SPG7: variants seen among roughly 807,000 people sequenced by gnomAD.
The protein encoded by SPG7 is SPG7 matrix AAA peptidase subunit, paraplegin.
In SPG7, 103 loss-of-function variants were observed where a neutral mutation model predicts 81.9. That is an observed-to-expected ratio of 1.26 (90% CI 1.07 to 1.48). The LOEUF is 1.48. Among genes scored for constraint, SPG7 ranks in the 40% most tolerant of loss-of-function variants. The pLI is 0.00. For missense variants in SPG7, 1,241 were observed against 1,087.3 expected (o/e 1.14, Z -1.99); for synonymous variants, 534 against 444.2 (o/e 1.20, Z -2.54).
At chr16:89,545,770 G>A (rs1207806537) in intron 10 of SPG7, 2 of 324,998 alleles carry the variant, frequency 6.2e-6, no homozygotes, top group African/African-American at 4.4e-5. Flanking sequence ...TGTGGGAATT[G>A]GAAGTTTTGC....
At position 89,530,788 on chromosome 16, in the gene SPG7, G is replaced by A. The variant is rs775448352; in HGVS notation, c.967G>A (p.Glu323Lys). 11 of 1,614,006 alleles carry A rather than the reference G, an allele frequency of 6.8e-6. No homozygotes were observed. The highest frequency in any genetic ancestry group is 3.3e-5 in the Admixed American group (2 of 60,000). Reference sequence around the variant, plus strand: ...GCACGAAGCCAAACTGGAAGTCCGCGAGTTTGTGGATTATCTGAAGGTGAA... The same window carrying A: ...GCACGAAGCCAAACTGGAAGTCCGCAAGTTTGTGGATTATCTGAAGGTGAA... The part of the protein sequence containing the change: ...GMHEAKLEVR[E>K]FVDYLKSPER... The change falls in exon 7 of 17, where the codon GAG (glutamate) becomes AAG (lysine). Residue 323 changes from glutamate (E) to lysine (K), a missense_variant. Glu to Lys is a moderately conservative substitution (Grantham distance 56). Transcript: ENST00000645818.
chr16:89,527,572 C>T (rs1461293262), intron 5 of SPG7, among the ~76,000 whole-genome samples: 1 of 152,102 alleles, frequency 6.6e-6, no homozygotes, highest in African/African-American at 2.4e-5. Context: ...CTTCTACAGA[C>T]AGGAAAATGG....
In SPG7 at chr16:89,532,509, C is replaced by T. The variant is rs373627269; in HGVS notation, c.1197C>T (p.Ala399=). 29 of 1,613,634 alleles carry T rather than the reference C, an allele frequency of 1.8e-5. No homozygotes were observed. The African/African-American group carries it at 3.2e-4, about 18-fold the overall frequency. ...RVRSLFKEAR[A]RAPCIVYIDE... is the part of the protein sequence containing the mutation. The stretch of plus-strand genomic sequence containing the variant: ...GGAGCCTCTTTAAGGAAGCCCGAGC[C>T]CGGGCCCCCTGCATCGTCTACATCG... Residue 399 remains alanine (A), a synonymous_variant, in exon 9 of 17, where the codon GCC becomes GCT. Coordinates refer to ENST00000645818, the MANE Select transcript of SPG7 (RefSeq NM_003119.4).
chr16:89,557,078 G>C lies in SPG7; in HGVS notation c.2373G>C (p.Pro791=). The change falls in exon 17 of 17, where the codon CCG becomes CCC. Residue 791 remains proline, a synonymous_variant. Transcript: ENST00000645818. ...AGCCTCCACTTGGAGGCGAAGAGCC[G>C]ACTTGGCCCAAGTAGTTGGGAGGTG... ...TQQPPLGGEE[P]TWPK is the part of the protein sequence containing the mutation. The C allele has an allele frequency of 6.2e-7, 1 of 1,611,470 alleles. No individual in the cohort carries two copies. Among genetic ancestry groups the C allele is most frequent in the Non-Finnish European group, 8.5e-7 (1 of 1,179,926 alleles).
At chr16:89,553,571 G>T (rs908527358) in intron 14 of SPG7, 1 of 584,656 alleles carries the variant, frequency 1.7e-6, no homozygotes, top group Non-Finnish European at 3.1e-6. Context: ...ATGCCCCCGG[G>T]TTCTAGATTT....
chr16:89,523,377 G>C (rs1270291881), intron 3 of SPG7: 1 of 301,546 alleles, frequency 3.3e-6, no homozygotes, highest in Non-Finnish European at 6.5e-6. Context: ...GAAGGCACAA[G>C]GGTCTTCAGT....
chr16:89,526,318 C>G lies in SPG7; in HGVS notation c.619-11C>G, dbSNP rs1394405347. 6.2e-7 allele frequency: 1 copy of G among 1,613,980 alleles called. No individual in the cohort carries two copies. Among genetic ancestry groups the G allele is most frequent in the Non-Finnish European group, 8.5e-7 (1 of 1,179,960 alleles). On this transcript the variant is annotated splice_polypyrimidine_tract_variant and intron_variant, in intron 4 of 16. Coordinates refer to ENST00000645818, the MANE Select transcript of SPG7 (RefSeq NM_003119.4). Reference sequence around the variant, plus strand: ...CGTTTCTCATGGTCCCCTCTCCTTTCTGCCCCCCAGCGGCTAGCCTTGATG... The same window carrying G: ...CGTTTCTCATGGTCCCCTCTCCTTTGTGCCCCCCAGCGGCTAGCCTTGATG...
chr16:89,513,776 C>G (rs1447789093), intron 3 of SPG7, among the ~76,000 whole-genome samples: 1 of 152,166 alleles, frequency 6.6e-6, no homozygotes, highest in East Asian at 1.9e-4. Flanking sequence ...GATGGACGCC[C>G]TGCTCAGCAG....
rs766810299 is a variant in SPG7 at position 89,508,463 on chromosome 16, G to A, written c.46G>A (p.Gly16Ser). ...GCTCCGTGCCCTCCGCCGGGGTCCA[G>A]GCCCGGGTCCTCGGCCGCTGTGGGG... is the stretch of plus-strand genomic sequence containing the variant. ...LLLRALRRGP[G>S]PGPRPLWGPG... The change falls in exon 1 of 17, where the codon GGC becomes AGC. Residue 16 changes from glycine to serine, a missense_variant. By Grantham distance (56) the Gly-to-Ser change is moderately conservative (BLOSUM62 0). Transcript: ENST00000645818. 5 of 1,507,796 alleles carry A rather than the reference G, an allele frequency of 3.3e-6. No individual in the cohort carries two copies. In the South Asian group the frequency reaches 6.2e-5, roughly 19 times the overall value. The allele number at this position is 1,507,796 out of a possible 1,614,324, so 93.4% of individuals were successfully genotyped here.
At chr16:89,529,665 CAG>C in intron 6 of SPG7, 86 bp downstream of exon 6, 2 of 979,010 alleles carry the variant, frequency 2.0e-6, no homozygotes, top group Non-Finnish European at 3.2e-6. Context: ...GATGAATACA[CAG>C]GGAAAACCTG....
At chr16:89,515,669 GT>G (rs1277783519) in intron 3 of SPG7, among the ~76,000 whole-genome samples, 49 of 150,628 alleles carry the variant, frequency 3.3e-4, no homozygotes, top group Non-Finnish European at 5.3e-4. Context: ...GAGCCCAGGA[GT>G]TTAAGACCCT....
chr16:89,531,610 G>T (rs1007186455), intron 7 of SPG7: 1 of 427,054 alleles, frequency 2.3e-6, no homozygotes, highest in African/African-American at 2.0e-5. Flanking sequence ...CTGATCTCAA[G>T]CTACGCGCCT....
rs753694369 is a variant in SPG7, at chr16:89,508,438, G to A, written c.21G>A (p.Leu7=). 6 of 1,500,238 alleles carry A rather than the reference G, an allele frequency of 4.0e-6. No homozygotes were observed. The highest frequency in any genetic ancestry group is 5.3e-6 in the Non-Finnish European group (6 of 1,131,776). 92.9% of individuals were successfully genotyped at this position (1,500,238 alleles called of 1,614,324 possible). Residue 7 remains leucine (L), a synonymous_variant, in exon 1 of 17, where the codon CTG becomes CTA. Transcript: ENST00000645818. Reference sequence around the variant, plus strand: ...CCAACATGGCCGTGCTGCTGCTGCTGCTCCGTGCCCTCCGCCGGGGTCCAG... The same window carrying A: ...CCAACATGGCCGTGCTGCTGCTGCTACTCCGTGCCCTCCGCCGGGGTCCAG... MAVLLL[L]LRALRRGPGP... is the part of the protein sequence containing the mutation.
chr16:89,524,749 C>T (rs2058239018), intron 4 of SPG7, among the ~76,000 whole-genome samples: 1 of 151,962 alleles, frequency 6.6e-6, no homozygotes, highest in African/African-American at 2.4e-5. Flanking sequence ...CCAGCCAGAT[C>T]TGGTAACTTT....
Position 89,557,388 on chromosome 16 carries a change from A to T in SPG7, c.*295A>T, listed in dbSNP as rs1197894346. ...CCCAGGGTTATAGACAGTCGTTCCC[A>T]GTGTGGCTGAGGCCACCCAGAGGCA... On this transcript the variant is annotated 3_prime_UTR_variant, in exon 17 of 17. Transcript: ENST00000645818. The T allele has an allele frequency of 4.6e-6, 2 of 438,620 alleles. No individual in the cohort carries two copies. Among genetic ancestry groups the T allele is most frequent in the African/African-American group, 4.0e-5 (2 of 50,172 alleles). 27.2% of individuals were successfully genotyped at this position (438,620 alleles called of 1,614,324 possible). A position where few individuals can be genotyped will look rare whatever the true frequency, so the allele number is the denominator to read the frequency against.
intron 12 of SPG7, chr16:89,548,464 G>A (rs995868181): frequency 3.2e-6 from 1 of 317,148 alleles, no homozygotes; most frequent in Non-Finnish European, 6.1e-6. Context: ...CCAGCCTCAT[G>A]GGGGCTGAGC....
chr16:89,544,920 C>A, intron 10 of SPG7, 148 bp downstream of exon 10: 1 of 928,368 alleles, frequency 1.1e-6, no homozygotes, highest in Non-Finnish European at 1.7e-6. Context: ...GCCCCCGCAT[C>A]GGCTGCACGC....
chr16:89,512,193 G>A (rs2058032702), intron 2 of SPG7, among the ~76,000 whole-genome samples: 1 of 151,960 alleles, frequency 6.6e-6, no homozygotes, highest in Non-Finnish European at 1.5e-5. Context: ...TTACAGGCGT[G>A]CGCCACTGCA....
intron 5 of SPG7, chr16:89,527,071 G>A (rs1423485699): frequency 9.9e-6 from 2 of 202,032 alleles, no homozygotes; most frequent in Non-Finnish European, 2.1e-5. Context: ...TCATCTGTAG[G>A]TTGATAATAA....
Sources: allele counts gnomAD v4.1 joint callset (sites outside exome capture counted in the v4.1 genomes callset), GRCh38; gene constraint gnomAD v4.1.1; transcripts MANE v1.5; gene names NCBI Gene and HGNC (gene_info 2026-07-23, HGNC 2026-07-21).